WIPF1: variants seen among roughly 807,000 people sequenced by gnomAD.
WIPF1 encodes WAS/WASL-interacting protein family member 1.
In WIPF1, 13 loss-of-function variants were observed where a neutral mutation model predicts 35.4. That is an observed-to-expected ratio of 0.37 (90% CI 0.24 to 0.58). The LOEUF is 0.58. Among genes scored for constraint, WIPF1 ranks in the 20% least tolerant of loss-of-function variants. The pLI is 0.74. For missense variants in WIPF1, 591 were observed against 667.0 expected (o/e 0.89, Z 1.25); for synonymous variants, 267 against 266.3 (o/e 1.00, Z -0.02).
At chr2:174,654,198 T>C (rs952575115) in intron 1 of WIPF1, among the ~76,000 whole-genome samples, 5 of 152,236 alleles carry the variant, frequency 3.3e-5, no homozygotes, top group African/African-American at 9.6e-5. Context: ...TTATGTTTAT[T>C]AAAAATTGAT....
chr2:174,674,078 C>T (rs1019992467), intron 1 of WIPF1, among the ~76,000 whole-genome samples: 1 of 152,152 alleles, frequency 6.6e-6, no homozygotes, highest in Non-Finnish European at 1.5e-5. Context: ...TCTGATTAAC[C>T]AATGTACTGC....
rs1470255069 is a variant in WIPF1 at position 174,622,813 on chromosome 2, TC to T, written c.-38-37203del. On this transcript the variant is annotated intron_variant, in intron 1 of 8. Transcript: ENST00000272746. This position sits in a 1 kb window ranked among gnomAD's most constrained non-coding sequence, Gnocchi z 5.1. ...GGGTACACAGTCTTTGTTTTGATTT[TC>T]CAGAGGTTACAGAGCTGCCAAGTCT... Among the ~76,000 whole-genome samples, 2 of 152,254 alleles carry T rather than the reference TC, an allele frequency of 1.3e-5. No individual in the cohort carries two copies. The highest frequency in any genetic ancestry group is 2.4e-5 in the African/African-American group (1 of 41,468).
At chr2:174,645,103 T>C (rs372858220) in intron 1 of WIPF1, among the ~76,000 whole-genome samples, 1 of 152,192 alleles carries the variant, frequency 6.6e-6, no homozygotes, top group African/African-American at 2.4e-5. Context: ...AAATGAAACC[T>C]TGGTTTGGAC....
At chr2:174,659,032 GTAAGA>G (rs1687704089) in intron 1 of WIPF1, among the ~76,000 whole-genome samples, 1 of 152,054 alleles carries the variant, frequency 6.6e-6, no homozygotes, top group African/African-American at 2.4e-5. Flanking sequence ...TGAGGATCTA[GTAAGA>G]TAAATTATGT....
intron 1 of WIPF1, chr2:174,673,120 A>C (rs1252029984): frequency 6.6e-6 from 1 of 152,194 alleles, no homozygotes; most frequent in Admixed American, 6.5e-5. Flanking sequence ...ATGCCGCAAG[A>C]GAAAAGGTGC....
intron 1 of WIPF1, among the ~76,000 whole-genome samples, chr2:174,620,718 T>C (rs1229115880): frequency 6.6e-6 from 1 of 152,182 alleles, no homozygotes; most frequent in Non-Finnish European, 1.5e-5. Flanking sequence ...TTTAGGGACA[T>C]GTGAGCAAAT....
At chr2:174,639,134 G>A (rs1687246258) in intron 1 of WIPF1, among the ~76,000 whole-genome samples, 1 of 151,950 alleles carries the variant, frequency 6.6e-6, no homozygotes, top group African/African-American at 2.4e-5. Context: ...TTGTTCTTTT[G>A]ACAATAGTCA....
At chr2:174,613,670 C>T (rs1686420025) in intron 1 of WIPF1, among the ~76,000 whole-genome samples, 1 of 152,112 alleles carries the variant, frequency 6.6e-6, no homozygotes, top group South Asian at 2.1e-4. Flanking sequence ...CAGAACTTCT[C>T]CCCAGTTCGT....
At chr2:174,667,075 T>C (rs1687908199) in intron 1 of WIPF1, among the ~76,000 whole-genome samples, 1 of 152,250 alleles carries the variant, frequency 6.6e-6, no homozygotes, top group Non-Finnish European at 1.5e-5. Flanking sequence ...TGTTTTAGCT[T>C]CTGCTCCTCT....
intron 1 of WIPF1, among the ~76,000 whole-genome samples, chr2:174,604,361 G>A (rs1188107813): frequency 1.3e-5 from 2 of 152,178 alleles, no homozygotes; most frequent in Non-Finnish European, 2.9e-5. Context: ...ATTTATTGAG[G>A]ATGTTTCAAC....
chr2:174,594,960 A>G (rs1685745603), intron 1 of WIPF1, among the ~76,000 whole-genome samples: 1 of 150,822 alleles, frequency 6.6e-6, no homozygotes, highest in Non-Finnish European at 1.5e-5. Flanking sequence ...ACCTCAAGAA[A>G]TCATACTGGC....
At chr2:174,635,132 G>A (rs888867841) in intron 1 of WIPF1, among the ~76,000 whole-genome samples, 12 of 152,106 alleles carry the variant, frequency 7.9e-5, no homozygotes, top group Non-Finnish European at 1.8e-4. Context: ...GAATTTCCTG[G>A]GACTCTCTCA....
Position 174,590,659 on chromosome 2 carries a change from T to G in WIPF1, c.-38-5048A>C, listed in dbSNP as rs1320451299. Among the ~76,000 whole-genome samples the G allele has an allele frequency of 1.3e-5, 2 of 152,184 alleles. No individual in the cohort carries two copies. The highest frequency in any genetic ancestry group is 2.9e-5 in the Non-Finnish European group (2 of 68,020). ...AGAATCTGCTGTGCCTGTGTCCGGC[T>G]TCCCAGACTAGTTGGGCTCTCAGTA... On this transcript the variant is annotated intron_variant, in intron 1 of 7. Coordinates refer to ENST00000679041, the MANE Select transcript of WIPF1 (RefSeq NM_001375834.1). This position sits in a 1 kb window ranked among gnomAD's most constrained non-coding sequence, Gnocchi z 4.6.
In WIPF1 at chr2:174,632,709, C is replaced by CA. The variant is rs71024821; in HGVS notation, c.-38-47099dup. ...AGGCGACAAGAGCAAAACTCCATCT[C>CA]AAAAAAAAAAAAAAAAAAAAAAAAA... On this transcript the variant is annotated intron_variant, in intron 1 of 8. Coordinates refer to the WIPF1 transcript ENST00000272746. Among the ~76,000 whole-genome samples, 358 of 68,896 alleles carry CA rather than the reference C, an allele frequency of 5.2e-3. 13 individuals are homozygous for CA. The highest frequency in any genetic ancestry group is 0.01 in the Middle Eastern group (1 of 98). The allele number at this position is 68,896 out of a possible 152,430, so 45.2% of individuals were successfully genotyped here.
chr2:174,628,855 G>C (rs1352062579), intron 1 of WIPF1, among the ~76,000 whole-genome samples: 1 of 152,130 alleles, frequency 6.6e-6, no homozygotes, highest in African/African-American at 2.4e-5. Context: ...AACTCTCTAA[G>C]GTCCCTTCTA....
At chr2:174,566,599 CTA>C (rs2105793386) in intron 7 of WIPF1, 1 of 152,404 alleles carries the variant, frequency 6.6e-6, no homozygotes, top group African/African-American at 2.4e-5. Flanking sequence ...ATGAAAATAT[CTA>C]TTATGTGGAG....
intron 1 of WIPF1, among the ~76,000 whole-genome samples, chr2:174,633,362 C>T (rs1347870236): frequency 1.3e-5 from 2 of 152,026 alleles, no homozygotes; most frequent in African/African-American, 4.8e-5. Context: ...ACACTTTGGG[C>T]TAGAATGAAG....
In WIPF1 at chr2:174,559,587, C is replaced by G. The variant is rs555399673; in HGVS notation, c.*2960G>C. ...GTTGACACCATATCATTCTGCTTTT[C>G]TTTATTGTCTGGCTAACTTACAAAG... On this transcript the variant is annotated 3_prime_UTR_variant, in exon 8 of 8. Transcript: ENST00000679041. 2 of 152,212 alleles carry G rather than the reference C, an allele frequency of 1.3e-5. No homozygotes were observed. The highest frequency in any genetic ancestry group is 3.9e-4 in the East Asian group (2 of 5,176). The allele number at this position is 152,212 out of a possible 1,614,324, so 9.4% of individuals were successfully genotyped here.
rs774985492 is a variant in WIPF1, at chr2:174,581,415, T to C, written c.76A>G (p.Asn26Asp). ...ALANTEKPTL[N>D]KTEQAGRNAL... Reference sequence around the variant, plus strand: ...TTTCTCCCAGCCTGCTCTGTCTTATTCAAGGTAGGCTTCTCTGTATTGGCC... The same window carrying C: ...TTTCTCCCAGCCTGCTCTGTCTTATCCAAGGTAGGCTTCTCTGTATTGGCC... Residue 26 changes from asparagine (N) to aspartate (D), a missense_variant, in exon 3 of 8, where the codon AAT (asparagine) becomes GAT (aspartate). Coordinates refer to ENST00000679041, the MANE Select transcript of WIPF1 (RefSeq NM_001375834.1). 4 of 1,613,850 alleles carry C rather than the reference T, an allele frequency of 2.5e-6. 1 individual carries two copies. The South Asian group carries it at 4.4e-5, about 18-fold the overall frequency.
Sources: gnomAD v4.1 joint callset for allele counts (sites outside exome capture counted in the v4.1 genomes callset) on GRCh38, gnomAD v4.1.1 for gene constraint, Gnocchi (gnomAD v3.1) non-coding constraint, MANE v1.5 for transcripts, NCBI Gene and HGNC (gene_info 2026-07-23, HGNC 2026-07-21) for gene names.